Variants in TFCP2 observed in about 807,000 individuals in gnomAD.
TFCP2 encodes the protein alpha-globin transcription factor CP2.
Under a neutral mutation model 73.4 loss-of-function variants are expected in TFCP2, and 33 were observed. The ratio of observed to expected loss-of-function variants is 0.45; its 90% CI spans 0.34 to 0.60. TFCP2 has a LOEUF of 0.60. TFCP2 is among the 20% of genes least tolerant of loss of function. The pLI is 0.01. For synonymous variants in TFCP2, 193 were observed against 211.6 expected (o/e 0.91, Z 0.76); for missense variants, 352 against 604.0 (o/e 0.58, Z 4.37).
chr12:51,110,956 T>C lies in TFCP2; in HGVS notation c.485A>G (p.Asp162Gly). The C allele has an allele frequency of 6.2e-7, 1 of 1,613,826 alleles. No homozygotes were observed. The change falls in exon 5 of 15, where the codon GAT (aspartate) becomes GGT (glycine). Residue 162 changes from aspartate to glycine, a missense_variant. Around this residue, in one of 6 missense-constraint regions of TFCP2, gnomAD observed 31 missense variants for 43.7 expected, o/e 0.71. Transcript: ENST00000257915. ...TAGTTGAGTTGGATTAGCCCTAGGA[T>C]CGATTATACCCACAGACATCGGGAT... is the stretch of plus-strand genomic sequence containing the variant. Reference protein sequence around the residue: ...IDIPMSVGIIDPRANPTQLNT... With the variant: ...IDIPMSVGIIGPRANPTQLNT...
At position 51,098,840 on chromosome 12, in the gene TFCP2, G is replaced by T; in HGVS notation, c.1355C>A (p.Pro452His). 1 of 1,614,122 alleles carries T rather than the reference G, an allele frequency of 6.2e-7. No homozygotes were observed. The highest frequency in any genetic ancestry group is 8.5e-7 in the Non-Finnish European group (1 of 1,180,030). ...CTTGTAAATCTGGCTGATCTGGCAA[G>T]GGGAAATGCTGAAAAGCTGAGCAAT... ...EKIAQLFSISPCQISQIYKQG... is the reference protein window; with the variant it reads ...EKIAQLFSISHCQISQIYKQG... Residue 452 changes from proline to histidine, a missense_variant, in exon 13 of 15, where the codon CCT (proline) becomes CAT (histidine). This residue lies in a region of TFCP2 where 194 missense variants were observed against 256.3 expected (regional missense o/e 0.76). Transcript: ENST00000257915.
chr12:51,109,296 G>A (rs1184732353), intron 5 of TFCP2, 23 bp from the exon 6 acceptor site: 1 of 1,612,798 alleles, frequency 6.2e-7, no homozygotes, highest in Admixed American at 1.7e-5. Flanking sequence ...CAACAGCAAG[G>A]CTTCAGTACC....
At chr12:51,161,883 C>T (rs2956427) in intron 1 of TFCP2, among the ~76,000 whole-genome samples, 125,223 of 149,372 alleles carry the variant, frequency 0.84, 52,723 homozygotes, top group Non-Finnish European at 0.89. Context: ...AAGGAAACCA[C>T]GAAAAACAAA....
intron 1 of TFCP2, among the ~76,000 whole-genome samples, chr12:51,155,870 C>T (rs957835066): frequency 1.3e-5 from 2 of 152,080 alleles, no homozygotes; most frequent in Non-Finnish European, 2.9e-5. Context: ...GGCAAAGCCC[C>T]GTCTCCACTA....
chr12:51,167,789 C>T (rs1021699850), intron 1 of TFCP2, among the ~76,000 whole-genome samples: 1 of 152,012 alleles, frequency 6.6e-6, no homozygotes, highest in Non-Finnish European at 1.5e-5. Flanking sequence ...GCCTGGGAAC[C>T]GCGGCTGACA....
At chr12:51,134,178 T>C (rs1215751944) in intron 1 of TFCP2, among the ~76,000 whole-genome samples, 1 of 152,240 alleles carries the variant, frequency 6.6e-6, no homozygotes, top group Non-Finnish European at 1.5e-5. Flanking sequence ...CCATTCGTAT[T>C]AGGTAAGCCA....
intron 8 of TFCP2, among the ~76,000 whole-genome samples, chr12:51,106,265 T>C (rs1940237391): frequency 6.6e-6 from 1 of 151,850 alleles, no homozygotes; most frequent in Non-Finnish European, 1.5e-5. Context: ...CCACTAAAAA[T>C]TGACCATAAA....
At chr12:51,146,762 G>T (rs1248206801) in intron 1 of TFCP2, among the ~76,000 whole-genome samples, 1 of 152,116 alleles carries the variant, frequency 6.6e-6, no homozygotes, top group South Asian at 2.1e-4. Context: ...GTATTTCTGT[G>T]TTCTGAATTC....
intron 5 of TFCP2, 95 bp from the exon 6 acceptor site, chr12:51,109,368 CAGGCATTATGA>C: frequency 7.5e-7 from 1 of 1,329,742 alleles, no homozygotes; most frequent in Non-Finnish European, 1.1e-6. Flanking sequence ...AAACCTTTAC[CAGGCATTATGA>C]ATACCTACAA....
At chr12:51,152,535 T>C (rs753218278) in intron 1 of TFCP2, among the ~76,000 whole-genome samples, 1 of 152,222 alleles carries the variant, frequency 6.6e-6, no homozygotes, top group Non-Finnish European at 1.5e-5. Flanking sequence ...ACCATAGTTA[T>C]GTAAGAGAAT....
intron 4 of TFCP2, among the ~76,000 whole-genome samples, chr12:51,112,664 C>T (rs1016043489): frequency 2.0e-5 from 3 of 152,010 alleles, no homozygotes; most frequent in African/African-American, 7.2e-5. Flanking sequence ...GTCAGGAGTT[C>T]GAGACCAGCC....
intron 13 of TFCP2, 53 bp downstream of exon 13, chr12:51,098,723 T>C (rs568308912): frequency 6.2e-7 from 1 of 1,600,274 alleles, no homozygotes; most frequent in African/African-American, 1.3e-5. Context: ...TCTTGCTCCA[T>C]GCGCTGACAA....
At chr12:51,114,577 C>A (rs1566206165) in intron 4 of TFCP2, among the ~76,000 whole-genome samples, 2 of 151,612 alleles carry the variant, frequency 1.3e-5, no homozygotes, top group African/African-American at 4.8e-5. Context: ...TGCACTCCAG[C>A]CTGGGCGACA....
chr12:51,152,700 G>A (rs1463284875), intron 1 of TFCP2, among the ~76,000 whole-genome samples: 1 of 152,106 alleles, frequency 6.6e-6, no homozygotes, highest in Non-Finnish European at 1.5e-5. Context: ...TTATCCTTTG[G>A]GGAATCCAGG....
intron 1 of TFCP2, among the ~76,000 whole-genome samples, chr12:51,134,497 G>A (rs531076140): frequency 3.3e-5 from 5 of 152,048 alleles, no homozygotes; most frequent in East Asian, 3.9e-4. Context: ...TGTTGCCCAC[G>A]CTGGTCTTAA....
intron 14 of TFCP2, 100 bp from the exon 15 acceptor site, chr12:51,095,378 G>A (rs1723326518): frequency 2.3e-6 from 3 of 1,295,654 alleles, no homozygotes; most frequent in African/African-American, 2.9e-5. Flanking sequence ...GGGGAGAAAA[G>A]GGAGGTGGAG....
At chr12:51,136,158 T>A (rs764538604) in intron 1 of TFCP2, among the ~76,000 whole-genome samples, 1 of 151,336 alleles carries the variant, frequency 6.6e-6, no homozygotes, top group Non-Finnish European at 1.5e-5. Context: ...TACAAAAAAA[T>A]TTTAGCCAGG....
chr12:51,111,055 T>A, intron 4 of TFCP2, 72 bp from the exon 5 acceptor site: 2 of 1,046,888 alleles, frequency 1.9e-6, no homozygotes, highest in Non-Finnish European at 1.5e-6. Context: ...GCATTGATTC[T>A]TATATTACTC....
intron 1 of TFCP2, among the ~76,000 whole-genome samples, chr12:51,130,173 T>C (rs1350652547): frequency 4.6e-5 from 7 of 151,106 alleles, no homozygotes; most frequent in African/African-American, 1.7e-4. Flanking sequence ...AAAATAACAT[T>C]AAAAAAAGAA....
Sources: allele counts gnomAD v4.1 joint callset (sites outside exome capture counted in the v4.1 genomes callset), GRCh38; gene constraint gnomAD v4.1.1; regional missense constraint gnomAD v4.1.1; transcripts MANE v1.5; gene names NCBI Gene and HGNC (gene_info 2026-07-23, HGNC 2026-07-21).